Variants in OR5H1 observed in about 807,000 individuals in gnomAD.
OR5H1 encodes olfactory receptor family 5 subfamily H member 1.
For missense variants in OR5H1, 378 were observed against 366.8 expected (o/e 1.03, Z -0.25); for synonymous variants, 124 against 134.4 (o/e 0.92, Z 0.54).
rs1297838294 is a variant in OR5H1 at position 98,135,308 on chromosome 3, G to T, written c.*1669G>T. ...AGAAATTAGCTGGGGTTTTTGGTTG[G>T]TTAAAGTTAACTTTTGTTTTACCAT... On this transcript the variant is annotated 3_prime_UTR_variant, in exon 2 of 2. Transcript: ENST00000641874. 6.6e-6 allele frequency: 1 copy of T among 152,134 alleles called. No individual in the cohort carries two copies. The highest frequency in any genetic ancestry group is 1.5e-5 in the Non-Finnish European group (1 of 68,012). 9.4% of individuals were successfully genotyped at this position (152,134 alleles called of 1,614,324 possible).
In OR5H1 at chr3:98,133,742, C is replaced by T. The variant is rs1465686794; in HGVS notation, c.*103C>T. On this transcript the variant is annotated 3_prime_UTR_variant, in exon 2 of 2. Coordinates refer to ENST00000641874, the MANE Select transcript of OR5H1 (RefSeq NM_001005338.2). ...ATTTTTGCAAGTACAACTGTTCTAG[C>T]ACTTTAGTGAGCTAATGTTTTAGTA... The T allele has an allele frequency of 1.1e-6, 1 of 872,274 alleles. No individual in the cohort carries two copies. The highest frequency in any genetic ancestry group is 1.8e-6 in the Non-Finnish European group (1 of 551,988). The allele number at this position is 872,274 out of a possible 1,614,324, so 54.0% of individuals were successfully genotyped here. A position where few individuals can be genotyped will look rare whatever the true frequency, so the allele number is the denominator to read the frequency against.
Position 98,135,043 on chromosome 3 carries a change from A to G in OR5H1, c.*1404A>G, listed in dbSNP as rs1708303175. ...GTATACATAGTGATACAAGATATATATTAGTACTTATATAGTTAAAATACA... is the reference window on the plus strand; with the variant it reads ...GTATACATAGTGATACAAGATATATGTTAGTACTTATATAGTTAAAATACA... On this transcript the variant is annotated 3_prime_UTR_variant, in exon 2 of 2. Transcript: ENST00000641874. 6.6e-6 allele frequency: 1 copy of G among 152,164 alleles called. No homozygotes were observed. Among genetic ancestry groups the G allele is most frequent in the African/African-American group, 2.4e-5 (1 of 41,434 alleles). The allele number at this position is 152,164 out of a possible 1,614,324, so 9.4% of individuals were successfully genotyped here.
chr3:98,137,395 T>C lies in OR5H1; in HGVS notation c.*3756T>C, dbSNP rs1708332285. 6.6e-6 allele frequency: 1 copy of C among 152,190 alleles called. No individual in the cohort carries two copies. The highest frequency in any genetic ancestry group is 1.5e-5 in the Non-Finnish European group (1 of 68,028). 9.4% of individuals were successfully genotyped at this position (152,190 alleles called of 1,614,324 possible). A position where few individuals can be genotyped will look rare whatever the true frequency, so the allele number is the denominator to read the frequency against. ...TACTTTGCATACAGGGATGTTTCCT[T>C]TATGTTATTTAGTGGTATTTATTAC... On this transcript the variant is annotated 3_prime_UTR_variant, in exon 2 of 2. Transcript: ENST00000641874.
chr3:98,133,111 T>C lies in OR5H1; in HGVS notation c.414T>C (p.Asn138=), dbSNP rs1329748709. ...KPLLYPAIMT[N]GLCIRLLILS... ...TACTTTATCCAGCCATTATGACCAA[T>C]GGACTGTGCATCCGGCTATTAATCT... is the stretch of plus-strand genomic sequence containing the variant. The change falls in exon 2 of 2, where the codon AAT becomes AAC. Residue 138 remains asparagine (N), a synonymous_variant. Transcript: ENST00000641874. The C allele has an allele frequency of 9.9e-6, 16 of 1,613,550 alleles. No homozygotes were observed. Among genetic ancestry groups the C allele is most frequent in the African/African-American group, 1.3e-5 (1 of 74,988 alleles).
At chr3:98,131,727 C>G (rs919510276) in intron 1 of OR5H1, among the ~76,000 whole-genome samples, 14 of 152,002 alleles carry the variant, frequency 9.2e-5, no homozygotes, top group Non-Finnish European at 1.5e-4. Context: ...GCAATCATTT[C>G]TATTGAGCTC....
rs139036976 is a variant in OR5H1 at position 98,134,979 on chromosome 3, T to A, written c.*1340T>A. 1 of 152,274 alleles carries A rather than the reference T, an allele frequency of 6.6e-6. No homozygotes were observed. The highest frequency in any genetic ancestry group is 2.4e-5 in the African/African-American group (1 of 41,574). The allele number at this position is 152,274 out of a possible 1,614,324, so 9.4% of individuals were successfully genotyped here. On this transcript the variant is annotated 3_prime_UTR_variant, in exon 2 of 2. Coordinates refer to ENST00000641874, the MANE Select transcript of OR5H1 (RefSeq NM_001005338.2). ...GCATGTATGTTTTAGGTATCTTATA[T>A]CTATATGTATACATATGCATATGTT...
chr3:98,133,708 T>G lies in OR5H1; in HGVS notation c.*69T>G, dbSNP rs1708286592. The G allele has an allele frequency of 7.5e-7, 1 of 1,327,520 alleles. No homozygotes were observed. The highest frequency in any genetic ancestry group is 1.3e-5 in the South Asian group (1 of 79,458). The allele number at this position is 1,327,520 out of a possible 1,614,324, so 82.2% of individuals were successfully genotyped here. On this transcript the variant is annotated 3_prime_UTR_variant, in exon 2 of 2. Transcript: ENST00000641874. ...TTAGAGGTACCTATGTTGTTTCCAG[T>G]GTTCAAACATTTTTGCAAGTACAAC...
chr3:98,132,578 A>G (rs1708267698), intron 1 of OR5H1, 102 bp from the exon 2 acceptor site: 3 of 1,287,114 alleles, frequency 2.3e-6, no homozygotes, highest in Non-Finnish European at 2.1e-6. Context: ...AAAAATTGAG[A>G]GGGTTCTGAT....
At chr3:98,131,839 C>G (rs1708260452) in intron 1 of OR5H1, among the ~76,000 whole-genome samples, 1 of 152,024 alleles carries the variant, frequency 6.6e-6, no homozygotes, top group Non-Finnish European at 1.5e-5. Flanking sequence ...TAATATCCAT[C>G]TTCCCAGTCA....
rs1708302594 is a variant in OR5H1 at position 98,135,015 on chromosome 3, T to C, written c.*1376T>C. ...ACATATGCATATGTTTAGTTTTTCATATGTATACATAGTGATACAAGATAT... is the reference window on the plus strand; with the variant it reads ...ACATATGCATATGTTTAGTTTTTCACATGTATACATAGTGATACAAGATAT... On this transcript the variant is annotated 3_prime_UTR_variant, in exon 2 of 2. Transcript: ENST00000641874. 6.6e-6 allele frequency: 1 copy of C among 152,158 alleles called. No homozygotes were observed. Among genetic ancestry groups the C allele is most frequent in the African/African-American group, 2.4e-5 (1 of 41,454 alleles). The allele number at this position is 152,158 out of a possible 1,614,324, so 9.4% of individuals were successfully genotyped here.
Position 98,138,500 on chromosome 3 carries a change from A to G in OR5H1, c.*4861A>G, listed in dbSNP as rs1020366399. The G allele has an allele frequency of 2.0e-5, 3 of 152,198 alleles. No individual in the cohort carries two copies. Among genetic ancestry groups the G allele is most frequent in the Non-Finnish European group, 4.4e-5 (3 of 68,040 alleles). 9.4% of individuals were successfully genotyped at this position (152,198 alleles called of 1,614,324 possible). A position where few individuals can be genotyped will look rare whatever the true frequency, so the allele number is the denominator to read the frequency against. On this transcript the variant is annotated 3_prime_UTR_variant, in exon 2 of 2. Transcript: ENST00000641874. ...TCCCTCATCAGTCAGTCATCATAAA[A>G]GCAAAAATCTAAAAGTCAAATATGT... is the stretch of plus-strand genomic sequence containing the variant.
Position 98,133,026 on chromosome 3 carries a change from C to G in OR5H1, c.329C>G (p.Thr110Arg). Reference protein sequence around the residue: ...QFFSFAISVTTECFLLATMAY... With the variant: ...QFFSFAISVTRECFLLATMAY... ...TTTTCGTTTGCAATCAGTGTAACCA[C>G]GGAATGTTTTCTCTTGGCAACGATG... is the stretch of plus-strand genomic sequence containing the variant. Residue 110 changes from threonine (T) to arginine (R), a missense_variant, in exon 2 of 2, where the codon ACG (threonine) becomes AGG (arginine). By Grantham distance (71) the Thr-to-Arg change is moderately conservative. Transcript: ENST00000641874. 1 of 1,613,548 alleles carries G rather than the reference C, an allele frequency of 6.2e-7. No homozygotes were observed. Among genetic ancestry groups the G allele is most frequent in the Non-Finnish European group, 8.5e-7 (1 of 1,179,642 alleles).
rs1353363838 is a variant in OR5H1 at position 98,136,412 on chromosome 3, A to G, written c.*2773A>G. 3.3e-5 allele frequency: 5 copies of G among 152,172 alleles called. No individual in the cohort carries two copies. Among genetic ancestry groups the G allele is most frequent in the Admixed American group, 6.6e-5 (1 of 15,266 alleles). 9.4% of individuals were successfully genotyped at this position (152,172 alleles called of 1,614,324 possible). A position where few individuals can be genotyped will look rare whatever the true frequency, so the allele number is the denominator to read the frequency against. ...TTAGTTTCACCTGCAACACTGATAC[A>G]TTTAGGTAAACTCCCCTGTACTCAA... is the stretch of plus-strand genomic sequence containing the variant. On this transcript the variant is annotated 3_prime_UTR_variant, in exon 2 of 2. Transcript: ENST00000641874.
rs771570065 is a variant in OR5H1, at chr3:98,132,664, T to C, written c.-18-16T>C. 1.9e-6 allele frequency: 3 copies of C among 1,604,920 alleles called. No homozygotes were observed. Among genetic ancestry groups the C allele is most frequent in the East Asian group, 2.2e-5 (1 of 44,718 alleles). On this transcript the variant is annotated splice_polypyrimidine_tract_variant and intron_variant, in intron 1 of 1. Coordinates refer to ENST00000641874, the MANE Select transcript of OR5H1 (RefSeq NM_001005338.2). ...CATTGCAAATGTTCCCTTTCATTTGTTGCATTTTATTTTAGAGGGCATGCT... is the reference window on the plus strand; with the variant it reads ...CATTGCAAATGTTCCCTTTCATTTGCTGCATTTTATTTTAGAGGGCATGCT...
In OR5H1 at chr3:98,136,337, T is replaced by C. The variant is rs1708317491; in HGVS notation, c.*2698T>C. ...ACGACCTTTACTAAATAATCTCCGATTAGACTTTAAAGTTTCTTCAAGCTA... is the reference window on the plus strand; with the variant it reads ...ACGACCTTTACTAAATAATCTCCGACTAGACTTTAAAGTTTCTTCAAGCTA... On this transcript the variant is annotated 3_prime_UTR_variant, in exon 2 of 2. Coordinates refer to ENST00000641874, the MANE Select transcript of OR5H1 (RefSeq NM_001005338.2). The C allele has an allele frequency of 6.6e-6, 1 of 152,212 alleles. No individual in the cohort carries two copies. The highest frequency in any genetic ancestry group is 1.5e-5 in the Non-Finnish European group (1 of 68,030). The allele number at this position is 152,212 out of a possible 1,614,324, so 9.4% of individuals were successfully genotyped here.
At chr3:98,132,505 A>T (rs1708267095) in intron 1 of OR5H1, among the ~76,000 whole-genome samples, 175 bp from the exon 2 acceptor site, 1 of 151,996 alleles carries the variant, frequency 6.6e-6, no homozygotes, top group African/African-American at 2.4e-5. Flanking sequence ...TCAAACCAAA[A>T]TATATCATTT....
intron 1 of OR5H1, 23 bp from the exon 2 acceptor site, chr3:98,132,657 T>A: frequency 6.2e-7 from 1 of 1,602,638 alleles, no homozygotes; most frequent in Non-Finnish European, 8.5e-7. Flanking sequence ...ATGTTCCCTT[T>A]CATTTGTTGC....
In OR5H1 at chr3:98,133,236, A is replaced by T. The variant is rs1315884271; in HGVS notation, c.539A>T (p.Asp180Val). The change falls in exon 2 of 2, where the codon GAC becomes GTC. Residue 180 changes from aspartate (D) to valine (V), a missense_variant. Asp to Val is a radical substitution (Grantham distance 152, BLOSUM62 -3). Transcript: ENST00000641874. ...NSNIVHHIYC[D>V]TIPLSKISCT... is the part of the protein sequence containing the mutation. ...AACATAGTACATCACATTTACTGTG[A>T]CACTATCCCATTGTCTAAGATTTCT... 1 of 1,612,498 alleles carries T rather than the reference A, an allele frequency of 6.2e-7. No homozygotes were observed. The highest frequency in any genetic ancestry group is 1.7e-5 in the Admixed American group (1 of 59,834).
In OR5H1 at chr3:98,133,452, A is replaced by G. The variant is rs1353868839; in HGVS notation, c.755A>G (p.Tyr252Cys). ...GAHLFSVSLY[Y>C]GPLLFIYVGP... is the part of the protein sequence containing the mutation. ...CATCTCTTCTCTGTCTCTTTATACT[A>G]TGGACCCCTTCTCTTCATTTATGTG... is the stretch of plus-strand genomic sequence containing the variant. Residue 252 changes from tyrosine (Y) to cysteine (C), a missense_variant, in exon 2 of 2, where the codon TAT (tyrosine) becomes TGT (cysteine). Transcript: ENST00000641874. 3 of 1,613,504 alleles carry G rather than the reference A, an allele frequency of 1.9e-6. No individual in the cohort carries two copies. Among genetic ancestry groups the G allele is most frequent in the Admixed American group, 1.7e-5 (1 of 59,974 alleles).
Sources: gnomAD v4.1 joint callset for allele counts (sites outside exome capture counted in the v4.1 genomes callset) on GRCh38, gnomAD v4.1.1 for gene constraint, MANE v1.5 for transcripts, NCBI Gene and HGNC (gene_info 2026-07-23, HGNC 2026-07-21) for gene names.